The following SRP68 variants were observed in gnomAD, a reference collection of about 807,000 sequenced individuals.
SRP68 encodes signal recognition particle 68.
Under a neutral mutation model 82.2 loss-of-function variants are expected in SRP68, and 15 were observed. The observed-to-expected ratio is 0.18, with a 90% CI of 0.12 to 0.28. The LOEUF is 0.28. Among genes scored for constraint, SRP68 ranks in the 10% least tolerant of loss-of-function variants. The pLI is 1.00. For missense variants in SRP68, 595 were observed against 780.5 expected (o/e 0.76, Z 2.83); for synonymous variants, 261 against 292.6 (o/e 0.89, Z 1.10).
intron 7 of SRP68, among the ~76,000 whole-genome samples, chr17:76,058,610 A>G (rs2066728857): frequency 6.6e-6 from 1 of 152,232 alleles, no homozygotes; most frequent in Non-Finnish European, 1.5e-5. Context: ...TTTTAGCTAC[A>G]GAAATTCAAA....
Position 76,039,663 on chromosome 17 carries a change from G to C in SRP68, c.*43C>G, listed in dbSNP as rs1321765805. 12 of 1,575,734 alleles carry C rather than the reference G, an allele frequency of 7.6e-6. No homozygotes were observed. In the East Asian group the frequency reaches 2.3e-4, roughly 30 times the overall value. ...CTTGCTGGGATTTTCTCACAATACA[G>C]ATTAAGAGTCAGAATCTCCCCCGCC... On this transcript the variant is annotated 3_prime_UTR_variant, in exon 16 of 16. Transcript: ENST00000307877.
chr17:76,057,298 G>T, intron 8 of SRP68, 105 bp downstream of exon 8: 1 of 1,390,454 alleles, frequency 7.2e-7, no homozygotes, highest in Non-Finnish European at 1.0e-6. Context: ...AGCATTAAAA[G>T]TTTGTTTTAT....
At chr17:76,057,753 C>A (rs1449634058) in intron 7 of SRP68, among the ~76,000 whole-genome samples, 1 of 152,074 alleles carries the variant, frequency 6.6e-6, no homozygotes, top group East Asian at 1.9e-4. Flanking sequence ...AGGCTCACTG[C>A]AACCTCTGCT....
At position 76,072,403 on chromosome 17, in the gene SRP68, C is replaced by T. The variant is rs1457075717; in HGVS notation, c.89G>A (p.Gly30Glu). The change falls in exon 1 of 16, where the codon GGA becomes GAA. Residue 30 changes from glycine to glutamate, a missense_variant. Around this residue, in one of 2 missense-constraint regions of SRP68, gnomAD observed 100 missense variants for 91.9 expected, o/e 1.09. Transcript: ENST00000307877. This position sits in a 1 kb window ranked among gnomAD's most constrained non-coding sequence, Gnocchi z 4.5. The stretch of plus-strand genomic sequence containing the variant: ...ATTTTCTTCCCCTCCGGCACCACGT[C>T]CACCGCCGCTACCGCCGCCGCCACT... ...GGSGGGGSGGGRGAGGEENKE... is the reference protein window; with the variant it reads ...GGSGGGGSGGERGAGGEENKE... The T allele has an allele frequency of 6.2e-7, 1 of 1,602,124 alleles. No individual in the cohort carries two copies. The highest frequency in any genetic ancestry group is 2.2e-5 in the East Asian group (1 of 44,752).
rs1188450385 is a variant in SRP68 at position 76,045,034 on chromosome 17, G to A, written c.1394+258C>T. 1.5e-5 allele frequency: 5 copies of A among 324,812 alleles called. No individual in the cohort carries two copies. In the South Asian group the frequency reaches 1.7e-4, roughly 11 times the overall value. The allele number at this position is 324,812 out of a possible 1,614,324, so 20.1% of individuals were successfully genotyped here. On this transcript the variant is annotated intron_variant, in intron 12 of 15. Coordinates refer to ENST00000307877, the MANE Select transcript of SRP68 (RefSeq NM_014230.4). ...TGGGATGACAAGTGTGAGCCACCGC[G>A]CCCAGCGAGGAAGCCAAGTTTAACG...
At position 76,043,739 on chromosome 17, in the gene SRP68, T is replaced by C. The variant is rs1406520119; in HGVS notation, c.1524+90A>G. 4.3e-6 allele frequency: 6 copies of C among 1,409,352 alleles called. No homozygotes were observed. The East Asian group carries it at 1.6e-4, about 37-fold the overall frequency. The allele number at this position is 1,409,352 out of a possible 1,614,324, so 87.3% of individuals were successfully genotyped here. On this transcript the variant is annotated intron_variant, in intron 13 of 15. Coordinates refer to ENST00000307877, the MANE Select transcript of SRP68 (RefSeq NM_014230.4). Reference sequence around the variant, plus strand: ...GCAGCCAGGGAGGACCAGCCTGAGGTGGCGCCCAGCTGTTGTACCCTCACA... The same window carrying C: ...GCAGCCAGGGAGGACCAGCCTGAGGCGGCGCCCAGCTGTTGTACCCTCACA...
At chr17:76,052,989 C>T (rs577533202) in intron 8 of SRP68, among the ~76,000 whole-genome samples, 122 of 151,080 alleles carry the variant, frequency 8.1e-4, no homozygotes, top group Admixed American at 4.3e-3. Context: ...GCGTCGGACG[C>T]GGTGGCTCAC....
In SRP68 at chr17:76,039,475, A is replaced by C; in HGVS notation, c.*231T>G. 1 of 650,138 alleles carries C rather than the reference A, an allele frequency of 1.5e-6. No individual in the cohort carries two copies. Among genetic ancestry groups the C allele is most frequent in the Non-Finnish European group, 2.8e-6 (1 of 355,246 alleles). The allele number at this position is 650,138 out of a possible 1,614,324, so 40.3% of individuals were successfully genotyped here. On this transcript the variant is annotated 3_prime_UTR_variant, in exon 16 of 16. Transcript: ENST00000307877. ...AGCAGCGGCCCCTTTCCCAGGAGGT[A>C]CAGGAGACAGGATGACCCTGCACAC...
intron 11 of SRP68, among the ~76,000 whole-genome samples, chr17:76,045,779 A>G (rs1226646695): frequency 2.0e-5 from 3 of 152,166 alleles, no homozygotes; most frequent in African/African-American, 7.2e-5. Flanking sequence ...CAGGTCTCAG[A>G]TGCTCTATGG....
chr17:76,072,325 TC>T lies in SRP68; in HGVS notation c.166del (p.Asp56IlefsTer3). On this transcript the variant is annotated frameshift_variant, in exon 1 of 16. Coordinates refer to ENST00000307877, the MANE Select transcript of SRP68 (RefSeq NM_014230.4). LOFTEE classifies it high-confidence loss of function. The surrounding 1 kb of genome is among the most constrained non-coding windows in gnomAD (Gnocchi z 4.5). The part of the protein sequence containing the change: ...AGSKANKEFG[D>X]SLSLEILQII... The stretch of plus-strand genomic sequence containing the variant: ...TAGGATACTCTCCAAACTCAGGCTA[TC>T]CCCAAATTCTTTGTTTGCCTTCGAT... 6.2e-7 allele frequency: 1 copy of T among 1,612,334 alleles called. No individual in the cohort carries two copies. The highest frequency in any genetic ancestry group is 1.1e-5 in the South Asian group (1 of 90,866).
intron 5 of SRP68, 113 bp from the exon 6 acceptor site, chr17:76,061,332 A>G (rs2066750880): frequency 5.3e-6 from 5 of 947,256 alleles, no homozygotes; most frequent in Non-Finnish European, 5.0e-6. Flanking sequence ...ACCAACTACC[A>G]TAACTGGCAT....
Position 76,072,510 on chromosome 17 carries a change from A to G in SRP68, c.-19T>C, listed in dbSNP as rs752986144. 1.3e-5 allele frequency: 21 copies of G among 1,577,922 alleles called. No individual in the cohort carries two copies. In the Middle Eastern group the frequency reaches 6.2e-4, roughly 46 times the overall value. On this transcript the variant is annotated 5_prime_UTR_variant, in exon 1 of 16. Transcript: ENST00000307877. This position sits in a 1 kb window ranked among gnomAD's most constrained non-coding sequence, Gnocchi z 4.5. Reference sequence around the variant, plus strand: ...CAGCCATCTTGCCCCTGCGCCGCAGAGCAAGACGGGATAGGGGAGGCGGGA... The same window carrying G: ...CAGCCATCTTGCCCCTGCGCCGCAGGGCAAGACGGGATAGGGGAGGCGGGA...
At chr17:76,041,127 G>A (rs2598445) in intron 13 of SRP68, 149 bp from the exon 14 acceptor site, 242,410 of 538,710 alleles carry the variant, frequency 0.45, 60,317 homozygotes, top group African/African-American at 0.84. Flanking sequence ...ACAAAACAAA[G>A]CAAAACACTA....
In SRP68 at chr17:76,072,248, C is replaced by T; in HGVS notation, c.184+60G>A. 11 of 1,601,726 alleles carry T rather than the reference C, an allele frequency of 6.9e-6. No individual in the cohort carries two copies. The highest frequency in any genetic ancestry group is 8.5e-6 in the Non-Finnish European group (10 of 1,176,448). Reference sequence around the variant, plus strand: ...TGTCGGGACCCGCCGCCTCTCCCGCCCCCAGCCCTCCAGTTCGACACGTAA... The same window carrying T: ...TGTCGGGACCCGCCGCCTCTCCCGCTCCCAGCCCTCCAGTTCGACACGTAA... On this transcript the variant is annotated intron_variant, in intron 1 of 15. Coordinates refer to ENST00000307877, the MANE Select transcript of SRP68 (RefSeq NM_014230.4). The surrounding 1 kb of genome is among the most constrained non-coding windows in gnomAD (Gnocchi z 4.5).
At position 76,060,719 on chromosome 17, in the gene SRP68, A is replaced by C. The variant is rs1253264918; in HGVS notation, c.755-329T>G. ...TATAAAGGGCCATCAATTGTAACAA[A>C]TGCACCCCTCTGGTGGGGGAAGATG... On this transcript the variant is annotated intron_variant, in intron 6 of 15. Transcript: ENST00000307877. 8.7e-6 allele frequency: 3 copies of C among 344,626 alleles called. No individual in the cohort carries two copies. In the East Asian group the frequency reaches 1.7e-4, roughly 20 times the overall value. The allele number at this position is 344,626 out of a possible 1,614,324, so 21.3% of individuals were successfully genotyped here. A position where few individuals can be genotyped will look rare whatever the true frequency, so the allele number is the denominator to read the frequency against.
At chr17:76,060,151 G>GA (rs1419468301) in intron 7 of SRP68, among the ~76,000 whole-genome samples, 157 bp downstream of exon 7, 1 of 102,736 alleles carries the variant, frequency 9.7e-6, no homozygotes, top group Non-Finnish European at 2.0e-5. Flanking sequence ...AAAAAAAAAA[G>GA]AAAAAGTTTT....
At chr17:76,060,249 A>C in intron 7 of SRP68, 59 bp downstream of exon 7, 1 of 1,118,344 alleles carries the variant, frequency 8.9e-7, no homozygotes. Flanking sequence ...GGGGATTATG[A>C]ATTACTCCTT....
At position 76,050,448 on chromosome 17, in the gene SRP68, C is replaced by T. The variant is rs777031913; in HGVS notation, c.1057G>A (p.Glu353Lys). The T allele has an allele frequency of 6.2e-7, 1 of 1,613,860 alleles. No individual in the cohort carries two copies. Among genetic ancestry groups the T allele is most frequent in the Non-Finnish European group, 8.5e-7 (1 of 1,179,856 alleles). ...CCTACCTGATCTGGCTTGAGCTCCT[C>T]CCGAACCACCTGGATGGCGTCCCGA... ...ECRDAIQVVR[E>K]ELKPDQKQRD... The change falls in exon 9 of 16, where the codon GAG (glutamate) becomes AAG (lysine). Residue 353 changes from glutamate (E) to lysine (K), a missense_variant. Transcript: ENST00000307877.
At chr17:76,040,727 AC>A in intron 14 of SRP68, 175 bp downstream of exon 14, 1 of 679,274 alleles carries the variant, frequency 1.5e-6, no homozygotes, top group Non-Finnish European at 2.5e-6. Flanking sequence ...GTAACAGTGC[AC>A]TCGAAATGCT....
Sources: allele counts gnomAD v4.1 joint callset (sites outside exome capture counted in the v4.1 genomes callset), GRCh38; gene constraint gnomAD v4.1.1; regional missense constraint gnomAD v4.1.1; non-coding constraint Gnocchi (gnomAD v3.1); transcripts MANE v1.5; gene names NCBI Gene and HGNC (gene_info 2026-07-23, HGNC 2026-07-21).